TXNDC8: variants seen among roughly 807,000 people sequenced by gnomAD.
TXNDC8 encodes thioredoxin domain containing 8, also known as thioredoxin domain-containing protein 8.
In TXNDC8, 15 loss-of-function variants were observed where a neutral mutation model predicts 12.9. The observed-to-expected ratio is 1.16, with a 90% CI of 0.78 to 1.79. TXNDC8 has a LOEUF of 1.79. Ranked by LOEUF, TXNDC8 falls within the 40% of genes most tolerant of loss-of-function variation. The pLI is 0.00. For synonymous variants in TXNDC8, 40 were observed against 35.4 expected (o/e 1.13, Z -0.46); for missense variants, 128 against 113.2 (o/e 1.13, Z -0.59).
chr9:110,335,186 A>G (rs988710988), intron 1 of TXNDC8, among the ~76,000 whole-genome samples: 5 of 152,196 alleles, frequency 3.3e-5, no homozygotes, highest in Non-Finnish European at 5.9e-5. Flanking sequence ...AAGTGCTCAT[A>G]GTGTACTCAT....
intron 3 of TXNDC8, chr9:110,323,325 G>T: frequency 1.0e-6 from 1 of 985,488 alleles, no homozygotes; most frequent in Non-Finnish European, 1.2e-6. Flanking sequence ...AGCCAGAGGA[G>T]AGCATAGGGA....
chr9:110,335,405 G>T (rs147580399), intron 1 of TXNDC8, among the ~76,000 whole-genome samples: 1 of 151,918 alleles, frequency 6.6e-6, no homozygotes, highest in Non-Finnish European at 1.5e-5. Context: ...CCCAGCCTGC[G>T]TGTCTTCTTG....
intron 3 of TXNDC8, among the ~76,000 whole-genome samples, chr9:110,319,991 G>C: frequency 6.6e-6 from 1 of 152,156 alleles, no homozygotes; most frequent in East Asian, 1.9e-4. Flanking sequence ...TTATTCATTT[G>C]TGACTAATTT....
chr9:110,318,387 A>G (rs536469552), intron 3 of TXNDC8, among the ~76,000 whole-genome samples: 2 of 152,162 alleles, frequency 1.3e-5, no homozygotes, highest in Non-Finnish European at 2.9e-5. Flanking sequence ...TATCACTCCT[A>G]TATTTCAACA....
chr9:110,303,424 C>G, downstream of TXNDC8: 1 of 1,346,878 alleles, frequency 7.4e-7, no homozygotes, highest in Non-Finnish European at 1.0e-6. Context: ...GGAGAGAGAC[C>G]AGTGGAACAC....
intron 1 of TXNDC8, 47 bp downstream of exon 1, chr9:110,337,726 A>G: frequency 6.3e-7 from 1 of 1,588,616 alleles, no homozygotes; most frequent in Non-Finnish European, 8.6e-7. Flanking sequence ...ATCTGTTCCC[A>G]AGATGTCCAC....
intron 1 of TXNDC8, 75 bp downstream of exon 1, chr9:110,337,698 A>G (rs2118897147): frequency 7.2e-7 from 1 of 1,398,356 alleles, no homozygotes; most frequent in South Asian, 1.2e-5. Flanking sequence ...GAGAGAACAC[A>G]TTCTTAAAGT....
chr9:110,305,860 T>C (rs10980314), intron 3 of TXNDC8, among the ~76,000 whole-genome samples: 14,059 of 84,010 alleles, frequency 0.17, 1,467 homozygotes, highest in East Asian at 0.49. Context: ...TCTTTCTTTT[T>C]CTTTTCTTTT....
intron 2 of TXNDC8, chr9:110,329,268 A>G (rs1217034369): frequency 1.2e-6 from 2 of 1,611,228 alleles, no homozygotes; most frequent in South Asian, 1.1e-5. Context: ...CAAAAAATAC[A>G]TTTTGGTATT....
At chr9:110,323,101 C>T in intron 3 of TXNDC8, 4 of 985,236 alleles carry the variant, frequency 4.1e-6, no homozygotes, top group Non-Finnish European at 4.8e-6. Flanking sequence ...AAAAAGGATG[C>T]CATACAGGGA....
At chr9:110,328,140 A>C (rs1468663914) in intron 2 of TXNDC8, among the ~76,000 whole-genome samples, 1 of 152,254 alleles carries the variant, frequency 6.6e-6, no homozygotes, top group Non-Finnish European at 1.5e-5. Context: ...TGGAGGTTGA[A>C]CTATAATGGG....
rs963116583 is a variant in TXNDC8, at chr9:110,313,568, G to A, written c.196-9036C>T. ...ATACAAAAATTAGCCAGGCGTGGTG[G>A]CACATGCCTGTAATCCCAGCTACTT... On this transcript the variant is annotated intron_variant, in intron 3 of 4. Coordinates refer to ENST00000423740, the MANE Select transcript of TXNDC8 (RefSeq NM_001286946.2). 2.6e-5 allele frequency among the ~76,000 whole-genome samples: 4 copies of A among 152,160 alleles called. 1 individual carries two copies. The South Asian group carries it at 8.3e-4, about 32-fold the overall frequency.
chr9:110,334,666 T>C (rs1253323811), intron 1 of TXNDC8, among the ~76,000 whole-genome samples: 1 of 152,184 alleles, frequency 6.6e-6, no homozygotes, highest in Non-Finnish European at 1.5e-5. Flanking sequence ...CATGGAAGTC[T>C]ATGCACCAAA....
At chr9:110,320,293 G>A (rs901761472) in intron 3 of TXNDC8, among the ~76,000 whole-genome samples, 7 of 152,070 alleles carry the variant, frequency 4.6e-5, no homozygotes, top group Admixed American at 2.0e-4. Context: ...TCATGGGGGC[G>A]GGTCTTTCCT....
downstream of TXNDC8, among the ~76,000 whole-genome samples, chr9:110,302,818 C>G (rs1199334586): frequency 6.6e-6 from 1 of 151,992 alleles, no homozygotes; most frequent in Non-Finnish European, 1.5e-5. Flanking sequence ...AATCCCAGAA[C>G]TTTGGGAGGC....
intron 3 of TXNDC8, chr9:110,322,936 A>T (rs1225622866): frequency 2.0e-6 from 2 of 985,312 alleles, no homozygotes; most frequent in East Asian, 2.3e-4. Flanking sequence ...TGCTTGGACT[A>T]GTATGAGAAA....
intron 3 of TXNDC8, among the ~76,000 whole-genome samples, chr9:110,309,930 GGAA>G (rs1838601752): frequency 7.0e-6 from 1 of 142,912 alleles, no homozygotes; most frequent in Admixed American, 7.0e-5. Flanking sequence ...AAAAAAAGTG[GGAA>G]ACCAATAATC....
chr9:110,325,513 CTTTTTTTTTTT>C (rs201113003), intron 3 of TXNDC8, among the ~76,000 whole-genome samples: 2,894 of 117,602 alleles, frequency 0.025, 51 homozygotes, highest in East Asian at 0.13. Context: ...CTTGTATACA[CTTTTTTTTTTT>C]TTTTTTTTTT....
chr9:110,306,870 C>G (rs1010964635), intron 3 of TXNDC8, among the ~76,000 whole-genome samples: 1 of 152,078 alleles, frequency 6.6e-6, no homozygotes, highest in Non-Finnish European at 1.5e-5. Context: ...GCAGTATTAA[C>G]TAATTTTTGT....
Sources: gnomAD v4.1 joint callset for allele counts (sites outside exome capture counted in the v4.1 genomes callset) on GRCh38, gnomAD v4.1.1 for gene constraint, MANE v1.5 for transcripts, NCBI Gene and HGNC (gene_info 2026-07-23, HGNC 2026-07-21) for gene names.